Variants in KATNBL1 observed in about 807,000 individuals in gnomAD.
KATNBL1 encodes katanin regulatory subunit B1 like 1.
KATNBL1 carries 28 observed loss-of-function variants against 44.7 expected under a neutral mutation model. The ratio of observed to expected loss-of-function variants is 0.63; its 90% CI spans 0.46 to 0.86. The LOEUF is 0.86. Among genes scored for constraint, KATNBL1 ranks in the 40% least tolerant of loss-of-function variants. The probability of loss-of-function intolerance (pLI) is 0.00; values close to 1 mark genes in which losing one functional copy is unlikely to be tolerated. For missense variants in KATNBL1, 272 were observed against 350.7 expected (o/e 0.78, Z 1.79); for synonymous variants, 78 against 114.9 (o/e 0.68, Z 2.06).
chr15:34,153,580 T>G (rs1888548567), intron 3 of KATNBL1, among the ~76,000 whole-genome samples: 1 of 152,186 alleles, frequency 6.6e-6, no homozygotes, highest in Non-Finnish European at 1.5e-5. Context: ...CAAAAATTTT[T>G]TTTTTTTTTG....
At position 34,193,851 on chromosome 15, in the gene KATNBL1, CAAAAAAAAAAA is replaced by C. The variant is rs58951561; in HGVS notation, c.-15+16089_-15+16099del. ...TGGGTGACAGAGAAAGGCCCTGTCTCAAAAAAAAAAAAAAAAAAAAAAAAAAAAATCACCAG... is the reference window on the plus strand; with the variant it reads ...TGGGTGACAGAGAAAGGCCCTGTCTCAAAAAAAAAAAAAAAAAATCACCAG... On this transcript the variant is annotated intron_variant, in intron 1 of 9. Transcript: ENST00000256544. 3.2e-3 allele frequency among the ~76,000 whole-genome samples: 206 copies of C among 63,568 alleles called. 1 individual carries two copies. Among genetic ancestry groups the C allele is most frequent in the Middle Eastern group, 9.1e-3 (1 of 110 alleles). 41.7% of individuals were successfully genotyped at this position (63,568 alleles called of 152,430 possible).
chr15:34,152,025 C>A (rs558998262), intron 4 of KATNBL1, among the ~76,000 whole-genome samples: 119 of 150,668 alleles, frequency 7.9e-4, no homozygotes, highest in African/African-American at 2.8e-3. Context: ...ACTGCAACCT[C>A]TGCCTCCCAG....
At chr15:34,207,822 C>T (rs987179857) in intron 1 of KATNBL1, among the ~76,000 whole-genome samples, 2 of 152,000 alleles carry the variant, frequency 1.3e-5, no homozygotes, top group East Asian at 1.9e-4. Flanking sequence ...AGGCTGCTCT[C>T]GAACTCCTGG....
At chr15:34,179,395 C>G (rs906070218) in intron 1 of KATNBL1, among the ~76,000 whole-genome samples, 12 of 152,178 alleles carry the variant, frequency 7.9e-5, no homozygotes, top group Non-Finnish European at 1.8e-4. Flanking sequence ...CCCTCATGAC[C>G]TAATCATCTC....
chr15:34,160,205 C>T (rs544654225), intron 2 of KATNBL1, among the ~76,000 whole-genome samples: 1 of 152,146 alleles, frequency 6.6e-6, no homozygotes, highest in African/African-American at 2.4e-5. Context: ...AGCCTCCTGG[C>T]TTTACTCTTT....
At chr15:34,205,282 G>A (rs928895579) in intron 1 of KATNBL1, among the ~76,000 whole-genome samples, 1 of 152,188 alleles carries the variant, frequency 6.6e-6, no homozygotes, top group Non-Finnish European at 1.5e-5. Flanking sequence ...ATGAGCCACT[G>A]TGCCTGAAGA....
chr15:34,163,780 G>A (rs1406561532), intron 1 of KATNBL1, 90 bp from the exon 2 acceptor site: 6 of 665,920 alleles, frequency 9.0e-6, no homozygotes, highest in Non-Finnish European at 1.4e-5. Context: ...GTAGCACAAT[G>A]CTATATAAAA....
intron 1 of KATNBL1, chr15:34,198,390 T>A (rs1890081389): frequency 6.6e-6 from 1 of 152,162 alleles, no homozygotes; most frequent in Non-Finnish European, 1.5e-5. Context: ...CACTGAGATA[T>A]CCCTGAGGAT....
At chr15:34,149,428 C>CTT (rs574775758) in intron 4 of KATNBL1, among the ~76,000 whole-genome samples, 4,585 of 145,130 alleles carry the variant, frequency 0.032, 229 homozygotes, top group African/African-American at 0.11. Context: ...ACAGATCAAG[C>CTT]TTTTTTTTTT....
At chr15:34,190,780 T>C (rs1239588541) in intron 1 of KATNBL1, among the ~76,000 whole-genome samples, 1 of 152,092 alleles carries the variant, frequency 6.6e-6, no homozygotes, top group African/African-American at 2.4e-5. Flanking sequence ...TAAATATTCT[T>C]GCCAAAAAAA....
chr15:34,200,116 C>A (rs911347023), intron 1 of KATNBL1, among the ~76,000 whole-genome samples: 12 of 152,194 alleles, frequency 7.9e-5, no homozygotes, highest in Non-Finnish European at 1.8e-4. Flanking sequence ...TCTGGCTAGA[C>A]AGAAAAGTTC....
intron 1 of KATNBL1, among the ~76,000 whole-genome samples, chr15:34,197,289 T>A (rs541734624): frequency 1.3e-5 from 2 of 152,248 alleles, no homozygotes; most frequent in African/African-American, 4.8e-5. Context: ...CAGAGAAATA[T>A]AAGTCCTAGA....
intron 2 of KATNBL1, among the ~76,000 whole-genome samples, chr15:34,155,047 G>A (rs1937470158): frequency 6.6e-6 from 1 of 152,112 alleles, no homozygotes; most frequent in Non-Finnish European, 1.5e-5. Context: ...AGGTGACTAA[G>A]GATGACTAAG....
At chr15:34,197,801 G>A (rs1028730589) in intron 1 of KATNBL1, among the ~76,000 whole-genome samples, 8 of 152,188 alleles carry the variant, frequency 5.3e-5, no homozygotes, top group African/African-American at 1.7e-4. Flanking sequence ...AGGCTGGAGT[G>A]CAGTGGCATG....
At chr15:34,184,485 CA>C (rs34736108) in intron 1 of KATNBL1, among the ~76,000 whole-genome samples, 1,678 of 60,488 alleles carry the variant, frequency 0.028, 35 homozygotes, top group African/African-American at 0.087. Context: ...GATTCCATCT[CA>C]AAAAAAAAAA....
In KATNBL1 at chr15:34,181,843, C is replaced by T. The variant is rs1167174034; in HGVS notation, c.-14-18153G>A. ...GTCCATATATATCCATATATATACA[C>T]ATATATATAGTCCATATATATATAT... On this transcript the variant is annotated intron_variant, in intron 1 of 9. Coordinates refer to ENST00000256544, the MANE Select transcript of KATNBL1 (RefSeq NM_024713.3). Among the ~76,000 whole-genome samples the T allele has an allele frequency of 1.1e-3, 102 of 88,948 alleles. 10 individuals are homozygous for T. The highest frequency in any genetic ancestry group is 9.7e-3 in the South Asian group (23 of 2,372). The allele number at this position is 88,948 out of a possible 152,430, so 58.4% of individuals were successfully genotyped here.
intron 3 of KATNBL1, 71 bp from the exon 4 acceptor site, chr15:34,153,140 A>AATT: frequency 9.7e-7 from 1 of 1,028,344 alleles, no homozygotes. Flanking sequence ...TTAAACAGAG[A>AATT]ATTAATAGGC....
chr15:34,200,208 G>A (rs548288798), intron 1 of KATNBL1, among the ~76,000 whole-genome samples: 14 of 151,930 alleles, frequency 9.2e-5, no homozygotes, highest in Non-Finnish European at 1.3e-4. Flanking sequence ...TATCTCAAGG[G>A]TTTAATATTT....
chr15:34,197,022 G>A (rs1890045943), intron 1 of KATNBL1, among the ~76,000 whole-genome samples: 1 of 152,158 alleles, frequency 6.6e-6, no homozygotes. Flanking sequence ...TGGGAACTAA[G>A]AAGCTTGGCA....
Sources: gnomAD v4.1 joint callset for allele counts (sites outside exome capture counted in the v4.1 genomes callset) on GRCh38, gnomAD v4.1.1 for gene constraint, MANE v1.5 for transcripts, NCBI Gene and HGNC (gene_info 2026-07-23, HGNC 2026-07-21) for gene names.